The following CAST variants were observed in gnomAD, a reference collection of about 807,000 sequenced individuals.
CAST encodes the protein MIR583 host.
CAST carries 76 observed loss-of-function variants against 119.6 expected under a neutral mutation model. That is an observed-to-expected ratio of 0.64 (90% CI 0.53 to 0.77). CAST has a LOEUF of 0.77. CAST is among the 30% of genes least tolerant of loss of function. The pLI, the probability that CAST is intolerant of heterozygous loss-of-function variation, is 0.00. For synonymous variants in CAST, 319 were observed against 331.6 expected, an observed-to-expected ratio of 0.96 and a Z score of 0.41; for missense variants, 953 against 946.5, an observed-to-expected ratio of 1.01 and a Z score of -0.09.
intron 1 of CAST, among the ~76,000 whole-genome samples, chr5:96,655,378 G>A (rs1413466069): frequency 6.6e-6 from 1 of 152,206 alleles, no homozygotes; most frequent in African/African-American, 2.4e-5. Context: ...GAGGGAAAAG[G>A]CAGGGAGAAG....
the CAST span, among the ~76,000 whole-genome samples, chr5:96,375,095 A>G: frequency 6.6e-6 from 1 of 152,226 alleles, no homozygotes; most frequent in Non-Finnish European, 1.5e-5. Context: ...TTCAACTAAG[A>G]GTCTTAACCT....
At chr5:96,528,751 T>A (rs1337645773), upstream of CAST, among the ~76,000 whole-genome samples, 1 of 152,192 alleles carries the variant, frequency 6.6e-6, no homozygotes, top group Non-Finnish European at 1.5e-5. Flanking sequence ...ATTTGTAAGG[T>A]TGGCACAAGT....
the CAST span, among the ~76,000 whole-genome samples, chr5:96,427,672 T>A: frequency 2.0e-5 from 3 of 152,150 alleles, no homozygotes; most frequent in African/African-American, 7.2e-5. Flanking sequence ...ATACTTTGAG[T>A]AAGAATAACA....
chr5:96,084,924 A>G, the CAST span, among the ~76,000 whole-genome samples: 2 of 152,238 alleles, frequency 1.3e-5, no homozygotes, highest in Non-Finnish European at 2.9e-5. Context: ...ACAAATGCCC[A>G]TGCTCACTAC....
intron 1 of CAST, among the ~76,000 whole-genome samples, chr5:96,563,655 A>AC (rs543584977): frequency 4.8e-4 from 54 of 111,608 alleles, no homozygotes; most frequent in African/African-American, 1.7e-3. Context: ...TACTTATAAA[A>AC]AAAAAGCATT....
At chr5:96,691,336 T>A (rs1184775236) in intron 2 of CAST, among the ~76,000 whole-genome samples, 1 of 151,898 alleles carries the variant, frequency 6.6e-6, no homozygotes, top group East Asian at 2.0e-4. Flanking sequence ...TGAAAGCAAA[T>A]CTCAAAAAAA....
the CAST span, among the ~76,000 whole-genome samples, chr5:96,227,391 G>A: frequency 1.3e-5 from 2 of 152,250 alleles, no homozygotes; most frequent in South Asian, 4.1e-4. Flanking sequence ...AACTCAGAGA[G>A]GTGCTGGGAA....
the CAST span, among the ~76,000 whole-genome samples, chr5:96,498,764 C>T: frequency 3.9e-5 from 6 of 152,142 alleles, no homozygotes; most frequent in East Asian, 3.9e-4. Flanking sequence ...CTAGTATGTC[C>T]GCTGCCACCC....
intron 1 of CAST, among the ~76,000 whole-genome samples, chr5:96,607,185 G>A (rs1272898611): frequency 2.6e-5 from 4 of 152,170 alleles, no homozygotes; most frequent in African/African-American, 7.2e-5. Context: ...CTACTCGAGA[G>A]GCTGAGGCAG....
intron 2 of CAST, among the ~76,000 whole-genome samples, chr5:96,689,600 A>G (rs1241361699): frequency 1.3e-5 from 2 of 152,228 alleles, no homozygotes; most frequent in African/African-American, 2.4e-5. Flanking sequence ...GAGCACACAC[A>G]TGCGCCTTAT....
At chr5:96,403,778 A>C in the CAST span, among the ~76,000 whole-genome samples, 1 of 152,180 alleles carries the variant, frequency 6.6e-6, no homozygotes, top group Non-Finnish European at 1.5e-5. Context: ...TAGATCTTAA[A>C]ATTTTTCTAA....
chr5:96,202,401 C>T, the CAST span, among the ~76,000 whole-genome samples: 1 of 151,954 alleles, frequency 6.6e-6, no homozygotes, highest in African/African-American at 2.4e-5. Context: ...AATTATTCAA[C>T]ATTATATAAA....
the CAST span, among the ~76,000 whole-genome samples, chr5:96,107,988 T>A: frequency 6.6e-6 from 1 of 152,112 alleles, no homozygotes; most frequent in Admixed American, 6.5e-5. Flanking sequence ...CTTCCATTGC[T>A]GATACCCTTT....
chr5:96,725,313 G>A lies in CAST; in HGVS notation c.271-1481G>A, dbSNP rs189069680. On this transcript the variant is annotated intron_variant, in intron 4 of 31. Coordinates refer to ENST00000675179, the MANE Select transcript of CAST (RefSeq NM_001750.7). ...GGTGATAATAGTACCTGCCTCACAAGACTGTGTAAGGAAACATAATGTATA... is the reference window on the plus strand; with the variant it reads ...GGTGATAATAGTACCTGCCTCACAAAACTGTGTAAGGAAACATAATGTATA... Among the ~76,000 whole-genome samples the A allele has an allele frequency of 7.2e-5, 11 of 152,286 alleles. No individual in the cohort carries two copies. The East Asian group carries it at 2.1e-3, about 29-fold the overall frequency.
intron 1 of CAST, among the ~76,000 whole-genome samples, chr5:96,649,509 C>T (rs1387424475): frequency 3.3e-5 from 5 of 152,212 alleles, no homozygotes; most frequent in African/African-American, 4.8e-5. Flanking sequence ...TGATTTCTAA[C>T]TCTCTTTCAT....
chr5:96,121,945 T>C, the CAST span, among the ~76,000 whole-genome samples: 1 of 152,164 alleles, frequency 6.6e-6, no homozygotes, highest in Non-Finnish European at 1.5e-5. Context: ...CCAAATTTAG[T>C]TCATTCTTTC....
At chr5:96,701,476 A>G (rs1353610154) in intron 3 of CAST, among the ~76,000 whole-genome samples, 1 of 152,178 alleles carries the variant, frequency 6.6e-6, no homozygotes, top group Non-Finnish European at 1.5e-5. Context: ...ATGATCAACA[A>G]CAACAACAAA....
the CAST span, among the ~76,000 whole-genome samples, chr5:96,129,276 A>G: frequency 6.6e-6 from 1 of 152,184 alleles, no homozygotes; most frequent in Non-Finnish European, 1.5e-5. Context: ...TGTAAATAGA[A>G]TATGAATCTG....
At chr5:96,532,562 A>T (rs1745708598) in intron 1 of CAST, among the ~76,000 whole-genome samples, 1 of 152,164 alleles carries the variant, frequency 6.6e-6, no homozygotes, top group South Asian at 2.1e-4. Flanking sequence ...AAAAAATTTA[A>T]AAATTGGCCA....
Sources: allele counts gnomAD v4.1 joint callset (sites outside exome capture counted in the v4.1 genomes callset), GRCh38; gene constraint gnomAD v4.1.1; transcripts MANE v1.5; gene names NCBI Gene and HGNC (gene_info 2026-07-23, HGNC 2026-07-21).